Variants in GALNT18 observed in about 807,000 individuals in gnomAD.
GALNT18 encodes polypeptide N-acetylgalactosaminyltransferase 18.
GALNT18 carries 44 observed loss-of-function variants against 69.5 expected under a neutral mutation model. That is an observed-to-expected ratio of 0.63 (90% CI 0.50 to 0.81). GALNT18 has a LOEUF of 0.81. GALNT18 is among the 40% of genes least tolerant of loss of function. The pLI is 0.00. For synonymous variants in GALNT18, 364 were observed against 318.2 expected (o/e 1.14, Z -1.53); for missense variants, 715 against 810.0 (o/e 0.88, Z 1.42).
At chr11:11,390,313 C>T (rs1050609334) in intron 3 of GALNT18, among the ~76,000 whole-genome samples, 5 of 152,196 alleles carry the variant, frequency 3.3e-5, no homozygotes, top group African/African-American at 4.8e-5. Flanking sequence ...ACATTCTTCT[C>T]GCCTCCCCTG....
intron 6 of GALNT18, among the ~76,000 whole-genome samples, chr11:11,357,763 A>T (rs868767607): frequency 5.3e-5 from 8 of 152,214 alleles, no homozygotes; most frequent in Admixed American, 1.3e-4. Context: ...GGTAAATGAC[A>T]TACAGCATAA....
intron 1 of GALNT18, among the ~76,000 whole-genome samples, chr11:11,501,850 G>A (rs1262072807): frequency 6.6e-6 from 1 of 152,186 alleles, no homozygotes; most frequent in East Asian, 1.9e-4. Flanking sequence ...TGCCTCGCCT[G>A]GGAAGGTTCT....
In GALNT18 at chr11:11,595,476, T is replaced by C. The variant is rs113946430; in HGVS notation, c.235+25883A>G. On this transcript the variant is annotated intron_variant, in intron 1 of 10. Coordinates refer to ENST00000227756, the MANE Select transcript of GALNT18 (RefSeq NM_198516.3). This position sits in a 1 kb window ranked among gnomAD's most constrained non-coding sequence, Gnocchi z 5.2. ...TCTGTCGTTTAAAAGCTACCCAGTT[T>C]TGTTTATTTTGTTATGGCAGCCGAG... Among the ~76,000 whole-genome samples, 2,494 of 152,292 alleles carry C rather than the reference T, an allele frequency of 0.016. 65 individuals carry two copies. Among genetic ancestry groups the C allele is most frequent in the African/African-American group, 0.056 (2,334 of 41,546 alleles).
Position 11,542,311 on chromosome 11 carries a change from C to G in GALNT18, c.235+79048G>C, listed in dbSNP as rs1317505181. Among the ~76,000 whole-genome samples, 1 of 152,192 alleles carries G rather than the reference C, an allele frequency of 6.6e-6. No individual in the cohort carries two copies. The highest frequency in any genetic ancestry group is 2.4e-5 in the African/African-American group (1 of 41,438). On this transcript the variant is annotated intron_variant, in intron 1 of 10. Transcript: ENST00000227756. This position sits in a 1 kb window ranked among gnomAD's most constrained non-coding sequence, Gnocchi z 4.3. ...CAGCCTTTCTCCCTACCAGATAGAGCAAGCCATGGACAGACGCCTCCATGC... is the reference window on the plus strand; with the variant it reads ...CAGCCTTTCTCCCTACCAGATAGAGGAAGCCATGGACAGACGCCTCCATGC...
At chr11:11,478,668 G>A (rs188334971) in intron 1 of GALNT18, among the ~76,000 whole-genome samples, 1 of 152,244 alleles carries the variant, frequency 6.6e-6, no homozygotes, top group Admixed American at 6.5e-5. Flanking sequence ...TTTATAAAAG[G>A]GCAAATATTA....
At chr11:11,508,138 A>C (rs937928596) in intron 1 of GALNT18, among the ~76,000 whole-genome samples, 2 of 151,936 alleles carry the variant, frequency 1.3e-5, no homozygotes, top group Admixed American at 6.6e-5. Flanking sequence ...CTCTTTGTTC[A>C]TTTTCTGATT....
intron 1 of GALNT18, among the ~76,000 whole-genome samples, chr11:11,607,895 GT>G (rs1200123123): frequency 2.0e-5 from 3 of 152,232 alleles, no homozygotes; most frequent in Non-Finnish European, 4.4e-5. Flanking sequence ...TCCTGGCATT[GT>G]CTGCTGCCCA....
chr11:11,381,909 T>A (rs150370103), intron 3 of GALNT18, among the ~76,000 whole-genome samples: 64 of 152,368 alleles, frequency 4.2e-4, no homozygotes, highest in African/African-American at 1.3e-3. Context: ...TGGTTTGTTA[T>A]ACACAATGGC....
intron 1 of GALNT18, among the ~76,000 whole-genome samples, chr11:11,611,788 C>T (rs191601027): frequency 9.2e-5 from 14 of 152,318 alleles, no homozygotes; most frequent in East Asian, 3.9e-4. Context: ...TGGAACACTC[C>T]GCTTTTTTGA....
In GALNT18 at chr11:11,614,585, C is replaced by T. The variant is rs766912162; in HGVS notation, c.235+6774G>A. On this transcript the variant is annotated intron_variant, in intron 1 of 10. Coordinates refer to ENST00000227756, the MANE Select transcript of GALNT18 (RefSeq NM_198516.3). This position sits in a 1 kb window ranked among gnomAD's most constrained non-coding sequence, Gnocchi z 5.6. The stretch of plus-strand genomic sequence containing the variant: ...GGTACAAACATTCAAGCATATCAAG[C>T]ACATTCAGCTATTCAAGTGAAGTGA... Among the ~76,000 whole-genome samples the T allele has an allele frequency of 6.6e-6, 1 of 152,164 alleles. No homozygotes were observed. The highest frequency in any genetic ancestry group is 1.5e-5 in the Non-Finnish European group (1 of 68,024).
At chr11:11,346,482 T>C (rs1343465632) in intron 6 of GALNT18, among the ~76,000 whole-genome samples, 1 of 152,322 alleles carries the variant, frequency 6.6e-6, no homozygotes, top group Admixed American at 6.5e-5. Context: ...TCAGCAAAGC[T>C]CTGACATTTA....
Position 11,496,750 on chromosome 11 carries a change from C to T in GALNT18, c.236-47814G>A, listed in dbSNP as rs550606808. On this transcript the variant is annotated intron_variant, in intron 1 of 10. Coordinates refer to ENST00000227756, the MANE Select transcript of GALNT18 (RefSeq NM_198516.3). The surrounding 1 kb of genome is among the most constrained non-coding windows in gnomAD (Gnocchi z 4.0). ...TACTCTGAATCCACCCACCTGGCTG[C>T]TTCTGCTATCCCCACTGCAGTGGTC... is the stretch of plus-strand genomic sequence containing the variant. Among the ~76,000 whole-genome samples the T allele has an allele frequency of 1.3e-5, 2 of 150,952 alleles. No homozygotes were observed. Among genetic ancestry groups the T allele is most frequent in the South Asian group, 2.2e-4 (1 of 4,536 alleles).
intron 1 of GALNT18, among the ~76,000 whole-genome samples, chr11:11,554,829 C>G (rs952036555): frequency 6.6e-6 from 1 of 152,114 alleles, no homozygotes; most frequent in African/African-American, 2.4e-5. Flanking sequence ...GCAAGAGAAT[C>G]CAGATTCCAG....
At chr11:11,370,606 A>G (rs996710401) in intron 6 of GALNT18, among the ~76,000 whole-genome samples, 4 of 151,594 alleles carry the variant, frequency 2.6e-5, no homozygotes, top group South Asian at 2.1e-4. Flanking sequence ...AAAAAACCAG[A>G]TATCATTGCC....
intron 1 of GALNT18, among the ~76,000 whole-genome samples, chr11:11,576,500 T>C (rs1314986330): frequency 6.6e-6 from 1 of 152,220 alleles, no homozygotes; most frequent in Non-Finnish European, 1.5e-5. Flanking sequence ...ACCTACAACA[T>C]GCAGGCATGT....
intron 1 of GALNT18, among the ~76,000 whole-genome samples, chr11:11,561,237 C>T (rs12792637): frequency 0.25 from 37,381 of 152,110 alleles, 5,828 homozygotes; most frequent in Middle Eastern, 0.4. Flanking sequence ...TCCCTCTGAG[C>T]CTAGCCACCT....
At chr11:11,370,727 G>C (rs1018793278) in intron 6 of GALNT18, among the ~76,000 whole-genome samples, 2 of 152,144 alleles carry the variant, frequency 1.3e-5, no homozygotes, top group African/African-American at 4.8e-5. Flanking sequence ...TATAATCTAA[G>C]GAAGGAAAAG....
intron 8 of GALNT18, among the ~76,000 whole-genome samples, chr11:11,328,880 G>T (rs2133045623): frequency 6.6e-6 from 1 of 152,294 alleles, no homozygotes; most frequent in Middle Eastern, 3.4e-3. Flanking sequence ...GGCCTGGAGA[G>T]CCCTGATATT....
chr11:11,609,248 T>G (rs1859829440), intron 1 of GALNT18, among the ~76,000 whole-genome samples: 1 of 152,178 alleles, frequency 6.6e-6, no homozygotes, highest in Non-Finnish European at 1.5e-5. Flanking sequence ...CACAACCAGC[T>G]TCCCAACCCG....
Sources: gnomAD v4.1 joint callset for allele counts (sites outside exome capture counted in the v4.1 genomes callset) on GRCh38, gnomAD v4.1.1 for gene constraint, Gnocchi (gnomAD v3.1) non-coding constraint, MANE v1.5 for transcripts, NCBI Gene and HGNC (gene_info 2026-07-23, HGNC 2026-07-21) for gene names.